FAM114A2: variants seen among roughly 807,000 people sequenced by gnomAD.
The protein encoded by FAM114A2 is family with sequence similarity 114 member A2.
Under a neutral mutation model 58.4 loss-of-function variants are expected in FAM114A2, and 53 were observed. That is an observed-to-expected ratio of 0.91 (90% CI 0.73 to 1.14). The LOEUF (loss-of-function observed/expected upper bound fraction) is 1.14, where lower values mean the gene tolerates loss of function less well. FAM114A2 is among the 50% of genes most tolerant of loss of function. The probability of loss-of-function intolerance (pLI) is 0.00; values close to 1 mark genes in which losing one functional copy is unlikely to be tolerated. For synonymous variants in FAM114A2, 228 were observed against 211.4 expected, an observed-to-expected ratio of 1.08 and a Z score of -0.68; for missense variants, 601 against 581.1, an observed-to-expected ratio of 1.03 and a Z score of -0.35.
intron 9 of FAM114A2, among the ~76,000 whole-genome samples, chr5:154,007,528 T>G (rs536022348): frequency 2.2e-4 from 33 of 152,286 alleles, no homozygotes; most frequent in Non-Finnish European, 4.6e-4. Context: ...AATCTACATC[T>G]TAAGTCTCAA....
intron 1 of FAM114A2, among the ~76,000 whole-genome samples, chr5:154,036,015 C>T (rs1321086662): frequency 6.6e-6 from 1 of 152,008 alleles, no homozygotes; most frequent in Non-Finnish European, 1.5e-5. Flanking sequence ...GTATCTTTTG[C>T]CCATTTTCTA....
At chr5:154,024,455 T>C (rs1472307280) in intron 8 of FAM114A2, among the ~76,000 whole-genome samples, 2 of 152,176 alleles carry the variant, frequency 1.3e-5, no homozygotes, top group Non-Finnish European at 2.9e-5. Flanking sequence ...CCATCAGGGT[T>C]GAATCTCTTT....
At chr5:154,001,173 T>C (rs1266669735) in intron 11 of FAM114A2, among the ~76,000 whole-genome samples, 1 of 152,204 alleles carries the variant, frequency 6.6e-6, no homozygotes, top group Non-Finnish European at 1.5e-5. Flanking sequence ...CATATACATA[T>C]ATACACATAC....
intron 12 of FAM114A2, chr5:153,995,269 C>T: frequency 4.1e-6 from 1 of 241,840 alleles, no homozygotes; most frequent in Non-Finnish European, 8.0e-6. Context: ...TAAAACAAAA[C>T]ATGTAGATAT....
intron 4 of FAM114A2, among the ~76,000 whole-genome samples, chr5:154,032,715 T>A (rs1389015505): frequency 6.6e-6 from 1 of 152,194 alleles, no homozygotes; most frequent in Non-Finnish European, 1.5e-5. Context: ...TTGAGCATGG[T>A]TATTTTAGAA....
chr5:154,029,577 T>A lies in FAM114A2; in HGVS notation c.407A>T (p.Glu136Val), dbSNP rs1000498273. The A allele has an allele frequency of 3.8e-6, 6 of 1,590,636 alleles. No individual in the cohort carries two copies. In the African/African-American group the frequency reaches 8.1e-5, roughly 21 times the overall value. Residue 136 changes from glutamate to valine, a missense_variant, in exon 5 of 14, where the codon GAG becomes GTG. Transcript: ENST00000351797. ...ISTEVKYVAG[E>V]TNAKENENSS... The stretch of plus-strand genomic sequence containing the variant: ...GTTTTCATTCTCTTTGGCATTTGTC[T>A]CTCCTACAAGAGGGAGGGGATGTGT...
chr5:154,034,754 A>G lies in FAM114A2; in HGVS notation c.200T>C (p.Leu67Pro), dbSNP rs1772432592. ...TGTGGTCTGTGATACCTGAATAGGG[A>G]GAACTTTTGAAGTCTCAAGGTCACT... is the stretch of plus-strand genomic sequence containing the variant. ...PSSDLETSKV[L>P]PIQDNVSKDV... Residue 67 changes from leucine (L) to proline (P), a missense_variant, in exon 2 of 14, where the codon CTC (leucine) becomes CCC (proline). Leu to Pro is a moderately conservative substitution (Grantham distance 98). Coordinates refer to ENST00000351797, the MANE Select transcript of FAM114A2 (RefSeq NM_018691.4). 1 of 1,610,616 alleles carries G rather than the reference A, an allele frequency of 6.2e-7. No individual in the cohort carries two copies. The highest frequency in any genetic ancestry group is 1.3e-5 in the African/African-American group (1 of 74,878).
At chr5:154,029,453 G>A in intron 5 of FAM114A2, 36 bp downstream of exon 5, 1 of 1,114,524 alleles carries the variant, frequency 9.0e-7, no homozygotes, top group Non-Finnish European at 1.4e-6. Flanking sequence ...TTATAATAAT[G>A]GAAAGGAACA....
chr5:153,995,127 G>A, intron 12 of FAM114A2, 155 bp from the exon 13 acceptor site: 2 of 577,902 alleles, frequency 3.5e-6, no homozygotes, highest in Non-Finnish European at 3.1e-6. Flanking sequence ...TCTTTAGAAT[G>A]GAAATTCTAA....
At position 154,033,816 on chromosome 5, in the gene FAM114A2, A is replaced by T. The variant is rs1275440615; in HGVS notation, c.378T>A (p.Ile126=). The T allele has an allele frequency of 1.2e-6, 2 of 1,605,312 alleles. No homozygotes were observed. Among genetic ancestry groups the T allele is most frequent in the Non-Finnish European group, 1.7e-6 (2 of 1,172,328 alleles). ...TSLGIPGPSE[I]STEVKYVAGE... ...CTGCTACATACTTGACTTCAGTTGAAATTTCACTGGGACCAGGGATTCCAA... is the reference window on the plus strand; with the variant it reads ...CTGCTACATACTTGACTTCAGTTGATATTTCACTGGGACCAGGGATTCCAA... Residue 126 remains isoleucine, a synonymous_variant, in exon 4 of 14, where the codon ATT becomes ATA. Coordinates refer to ENST00000351797, the MANE Select transcript of FAM114A2 (RefSeq NM_018691.4).
intron 1 of FAM114A2, chr5:154,036,679 G>C (rs1772584063): frequency 6.6e-6 from 1 of 151,898 alleles, no homozygotes; most frequent in Non-Finnish European, 1.5e-5. Context: ...AAAAAAAACA[G>C]AACTCCATTA....
chr5:154,019,242 C>G (rs1581806047), intron 8 of FAM114A2, among the ~76,000 whole-genome samples: 1 of 152,238 alleles, frequency 6.6e-6, no homozygotes, highest in Middle Eastern at 3.4e-3. Context: ...AATACACCAA[C>G]AGTGACCAAG....
At chr5:154,019,695 A>G (rs1177255241) in intron 8 of FAM114A2, among the ~76,000 whole-genome samples, 1 of 152,216 alleles carries the variant, frequency 6.6e-6, no homozygotes, top group Non-Finnish European at 1.5e-5. Flanking sequence ...ACGTAGTCCA[A>G]TAGAACAGAA....
chr5:154,021,940 C>T (rs1467816608), intron 8 of FAM114A2, among the ~76,000 whole-genome samples: 1 of 152,038 alleles, frequency 6.6e-6, no homozygotes, highest in South Asian at 2.1e-4. Flanking sequence ...TGGTACCAAA[C>T]GGGAAATATA....
chr5:154,021,900 A>G (rs994681069), intron 8 of FAM114A2, among the ~76,000 whole-genome samples: 4 of 152,198 alleles, frequency 2.6e-5, no homozygotes, highest in African/African-American at 9.7e-5. Flanking sequence ...ACTATACTAC[A>G]AGGCCACAGT....
intron 1 of FAM114A2, 29 bp downstream of exon 1, chr5:154,038,828 C>A (rs139465720): frequency 6.6e-6 from 1 of 152,374 alleles, no homozygotes; most frequent in Non-Finnish European, 1.5e-5. Flanking sequence ...ACCTCGCACC[C>A]CTCCTGCCTC....
At chr5:154,011,498 A>C (rs906312978) in intron 8 of FAM114A2, among the ~76,000 whole-genome samples, 178 bp from the exon 9 acceptor site, 2 of 152,206 alleles carry the variant, frequency 1.3e-5, no homozygotes, top group Non-Finnish European at 2.9e-5. Flanking sequence ...CCTTTTACGT[A>C]TATCAATAAA....
At chr5:153,993,228 CAAGT>C in intron 13 of FAM114A2, 118 bp from the exon 14 acceptor site, 1 of 782,026 alleles carries the variant, frequency 1.3e-6, no homozygotes, top group Non-Finnish European at 1.9e-6. Flanking sequence ...CATAGCCTGG[CAAGT>C]AAGAGCAGTG....
chr5:153,997,692 TAA>T (rs760628702), intron 12 of FAM114A2, 109 bp downstream of exon 12: 2 of 703,536 alleles, frequency 2.8e-6, no homozygotes, highest in Non-Finnish European at 5.0e-6. Flanking sequence ...GTAAATATAC[TAA>T]AAACTAAAAA....
Sources: allele counts gnomAD v4.1 joint callset (sites outside exome capture counted in the v4.1 genomes callset), GRCh38; gene constraint gnomAD v4.1.1; transcripts MANE v1.5; gene names NCBI Gene and HGNC (gene_info 2026-07-23, HGNC 2026-07-21).